SLC24A3: variants seen among roughly 807,000 people sequenced by gnomAD.
SLC24A3 encodes sodium/potassium/calcium exchanger 3.
Under a neutral mutation model 75.8 loss-of-function variants are expected in SLC24A3, and 28 were observed. The ratio of observed to expected loss-of-function variants is 0.37; its 90% CI spans 0.27 to 0.51. SLC24A3 has a LOEUF of 0.51. Ranked by LOEUF, SLC24A3 falls within the 20% of genes least tolerant of loss-of-function variation. SLC24A3 has a pLI of 0.94. For missense variants in SLC24A3, 663 were observed against 847.8 expected, an observed-to-expected ratio of 0.78 and a Z score of 2.71; for synonymous variants, 372 against 334.1, an observed-to-expected ratio of 1.11 and a Z score of -1.24.
At chr20:19,259,134 G>T (rs1982906885) in intron 1 of SLC24A3, among the ~76,000 whole-genome samples, 1 of 152,194 alleles carries the variant, frequency 6.6e-6, no homozygotes, top group Non-Finnish European at 1.5e-5. Context: ...AGGACATCTT[G>T]CTGGTATGGC....
intron 15 of SLC24A3, among the ~76,000 whole-genome samples, chr20:19,699,428 T>G (rs549852491): frequency 6.6e-6 from 1 of 152,350 alleles, no homozygotes; most frequent in Admixed American, 6.5e-5. Context: ...TCAGCCAAAT[T>G]CACAAGAATT....
chr20:19,672,129 C>T (rs571130841), intron 8 of SLC24A3, among the ~76,000 whole-genome samples: 1 of 151,908 alleles, frequency 6.6e-6, no homozygotes, highest in Non-Finnish European at 1.5e-5. Context: ...TTCAGGAGAT[C>T]GGGGGGTGTG....
intron 2 of SLC24A3, among the ~76,000 whole-genome samples, chr20:19,293,416 G>A (rs957199847): frequency 1.3e-5 from 2 of 152,040 alleles, no homozygotes; most frequent in African/African-American, 2.4e-5. Context: ...AGCATTTTGG[G>A]AGGCTGAGGT....
chr20:19,652,190 T>C (rs927844424), intron 6 of SLC24A3, among the ~76,000 whole-genome samples: 2 of 152,234 alleles, frequency 1.3e-5, no homozygotes, highest in Non-Finnish European at 2.9e-5. Context: ...TCCTTTTGCA[T>C]TGTGGGTTTA....
At chr20:19,474,951 A>T (rs1156301119) in intron 2 of SLC24A3, among the ~76,000 whole-genome samples, 1 of 152,134 alleles carries the variant, frequency 6.6e-6, no homozygotes, top group Non-Finnish European at 1.5e-5. Context: ...AAACTGTTTG[A>T]TGTGGAAGGA....
chr20:19,222,837 T>TTCA (rs1395253982), intron 1 of SLC24A3, among the ~76,000 whole-genome samples: 1 of 56,518 alleles, frequency 1.8e-5, no homozygotes, highest in African/African-American at 6.6e-5. Context: ...TCCTTCCTTC[T>TTCA]TTCCTTCCCT....
At chr20:19,480,677 C>A (rs969374866) in intron 2 of SLC24A3, among the ~76,000 whole-genome samples, 2 of 152,110 alleles carry the variant, frequency 1.3e-5, no homozygotes. Flanking sequence ...GTACCTTATT[C>A]TCATGGTTGG....
In SLC24A3 at chr20:19,230,627, GGGGGGAATGGATGGGTATAGAAAGA is replaced by G. The variant is rs1568563460; in HGVS notation, c.142+17644_142+17668del. Among the ~76,000 whole-genome samples, 45 of 96,214 alleles carry G rather than the reference GGGGGGAATGGATGGGTATAGAAAGA, an allele frequency of 4.7e-4. No homozygotes were observed. The East Asian group carries it at 0.013, about 28-fold the overall frequency. The allele number at this position is 96,214 out of a possible 152,430, so 63.1% of individuals were successfully genotyped here. A position where few individuals can be genotyped will look rare whatever the true frequency, so the allele number is the denominator to read the frequency against. On this transcript the variant is annotated intron_variant, in intron 1 of 16. Coordinates refer to ENST00000328041, the MANE Select transcript of SLC24A3 (RefSeq NM_020689.4). ...ATGGGTATAGAAAGACATATTGATG[GGGGGGAATGGATGGGTATAGAAAGA>G]CATATTGATGGGGGGGGTGCCCTTT...
intron 3 of SLC24A3, among the ~76,000 whole-genome samples, chr20:19,532,179 C>T (rs183791093): frequency 2.6e-5 from 4 of 152,340 alleles, no homozygotes; most frequent in Admixed American, 2.6e-4. Flanking sequence ...CTAAGAACAA[C>T]GTTCCTTGAT....
At chr20:19,313,593 C>T (rs1476658692) in intron 2 of SLC24A3, among the ~76,000 whole-genome samples, 1 of 152,202 alleles carries the variant, frequency 6.6e-6, no homozygotes. Context: ...TCTGAACTTG[C>T]CTCTCCTGCC....
At chr20:19,687,573 C>T (rs1310660837) in intron 12 of SLC24A3, among the ~76,000 whole-genome samples, 1 of 152,200 alleles carries the variant, frequency 6.6e-6, no homozygotes, top group Admixed American at 6.5e-5. Flanking sequence ...TAAAATCTTT[C>T]ACTAATTAAA....
chr20:19,402,993 CT>C (rs1986579884), intron 2 of SLC24A3, among the ~76,000 whole-genome samples: 1 of 152,198 alleles, frequency 6.6e-6, no homozygotes, highest in South Asian at 2.1e-4. Context: ...CTTTTAATCA[CT>C]GTAATTATAA....
intron 2 of SLC24A3, among the ~76,000 whole-genome samples, chr20:19,330,230 A>G (rs1023379247): frequency 6.6e-6 from 1 of 152,070 alleles, no homozygotes; most frequent in Non-Finnish European, 1.5e-5. Context: ...AGGGCCTCCA[A>G]TCGGTGGGTC....
chr20:19,566,896 G>A (rs1041746647), intron 3 of SLC24A3, among the ~76,000 whole-genome samples: 2 of 152,168 alleles, frequency 1.3e-5, no homozygotes, highest in Non-Finnish European at 2.9e-5. Context: ...CAGCCAACAA[G>A]CGCATGAAAA....
At chr20:19,532,902 A>C (rs1214534121) in intron 3 of SLC24A3, among the ~76,000 whole-genome samples, 1 of 152,178 alleles carries the variant, frequency 6.6e-6, no homozygotes, top group African/African-American at 2.4e-5. Context: ...CAAGATATTT[A>C]ATAACTGGAG....
intron 2 of SLC24A3, among the ~76,000 whole-genome samples, chr20:19,383,179 T>C (rs1421727645): frequency 6.6e-6 from 1 of 152,202 alleles, no homozygotes; most frequent in African/African-American, 2.4e-5. Context: ...ACATATTTCT[T>C]TGGATGCTGC....
intron 1 of SLC24A3, among the ~76,000 whole-genome samples, chr20:19,239,457 T>C (rs1317813233): frequency 2.0e-5 from 3 of 152,194 alleles, no homozygotes; most frequent in Non-Finnish European, 4.4e-5. Flanking sequence ...CCTGAGGACC[T>C]GCACGGGCAA....
chr20:19,274,498 C>G (rs1332873168), intron 1 of SLC24A3, among the ~76,000 whole-genome samples: 1 of 152,120 alleles, frequency 6.6e-6, no homozygotes, highest in Non-Finnish European at 1.5e-5. Flanking sequence ...CCCTGTTAGC[C>G]TCCAGCATCC....
chr20:19,706,233 A>C (rs1232686045), intron 15 of SLC24A3, among the ~76,000 whole-genome samples: 1 of 152,202 alleles, frequency 6.6e-6, no homozygotes, highest in Non-Finnish European at 1.5e-5. Context: ...TTGAGTGCCT[A>C]CTATGTGCTA....
Sources: gnomAD v4.1 joint callset for allele counts (sites outside exome capture counted in the v4.1 genomes callset) on GRCh38, gnomAD v4.1.1 for gene constraint, MANE v1.5 for transcripts, NCBI Gene and HGNC (gene_info 2026-07-23, HGNC 2026-07-21) for gene names.